PDE10A: variants seen among roughly 807,000 people sequenced by gnomAD.
The protein encoded by PDE10A is phosphodiesterase 10A.
Under a neutral mutation model 97.7 loss-of-function variants are expected in PDE10A, and 39 were observed. The ratio of observed to expected loss-of-function variants is 0.40; its 90% CI spans 0.31 to 0.52. The LOEUF (loss-of-function observed/expected upper bound fraction) is 0.52. PDE10A is among the 20% of genes least tolerant of loss of function. The pLI is 0.56. For missense variants in PDE10A, 731 were observed against 1,047.8 expected, an observed-to-expected ratio of 0.70 and a Z score of 4.17; for synonymous variants, 371 against 376.8, an observed-to-expected ratio of 0.98 and a Z score of 0.18.
chr6:165,422,937 TA>T (rs1198249687), intron 10 of PDE10A, among the ~76,000 whole-genome samples: 1 of 151,754 alleles, frequency 6.6e-6, no homozygotes, highest in African/African-American at 2.4e-5. Flanking sequence ...GTAAGAAGAG[TA>T]AAAAAAATTA....
chr6:165,841,258 C>G (rs1242563342), intron 1 of PDE10A, among the ~76,000 whole-genome samples: 1 of 152,202 alleles, frequency 6.6e-6, no homozygotes, highest in African/African-American at 2.4e-5. Context: ...ACAGGGCAGG[C>G]CCTCCCAAAA....
intron 1 of PDE10A, among the ~76,000 whole-genome samples, chr6:165,547,295 G>C (rs1367866277): frequency 6.6e-6 from 1 of 152,124 alleles, no homozygotes; most frequent in Non-Finnish European, 1.5e-5. Context: ...GAGTACTCAT[G>C]AGCAGGGGCA....
At chr6:165,620,676 T>C (rs1283284506) in intron 1 of PDE10A, among the ~76,000 whole-genome samples, 1 of 152,150 alleles carries the variant, frequency 6.6e-6, no homozygotes, top group Non-Finnish European at 1.5e-5. Context: ...CCCAGAACTC[T>C]TCTGGACTCT....
intron 1 of PDE10A, among the ~76,000 whole-genome samples, chr6:165,875,731 GTTTTT>G (rs748111095): frequency 2.1e-5 from 1 of 46,948 alleles, no homozygotes; most frequent in African/African-American, 7.8e-5. Flanking sequence ...TTCTTTTACT[GTTTTT>G]TTTTTTTTTT....
intron 1 of PDE10A, among the ~76,000 whole-genome samples, chr6:165,820,340 G>A (rs550674177): frequency 6.6e-6 from 1 of 152,316 alleles, no homozygotes; most frequent in African/African-American, 2.4e-5. Context: ...GGAATCTTTT[G>A]TAAGTTTCTC....
intron 2 of PDE10A, among the ~76,000 whole-genome samples, chr6:165,487,595 A>T (rs1779993336): frequency 6.6e-6 from 1 of 152,222 alleles, no homozygotes; most frequent in African/African-American, 2.4e-5. Context: ...GCTGGTTTAG[A>T]GCATGGACTA....
intron 1 of PDE10A, among the ~76,000 whole-genome samples, chr6:165,806,042 TAA>T (rs67104260): frequency 0.23 from 16,424 of 72,496 alleles, 1,424 homozygotes; most frequent in East Asian, 0.37. Context: ...GCTTGATTAT[TAA>T]AAAAAAAAAA....
intron 1 of PDE10A, among the ~76,000 whole-genome samples, chr6:165,933,041 A>T (rs990437705): frequency 6.6e-6 from 1 of 152,116 alleles, no homozygotes; most frequent in Non-Finnish European, 1.5e-5. Flanking sequence ...GCTACCAGAG[A>T]TGACAAACCC....
rs1476124114 is a variant in PDE10A at position 165,332,695 on chromosome 6, CT to C, written c.*329del. On this transcript the variant is annotated 3_prime_UTR_variant, in exon 22 of 22. Coordinates refer to ENST00000539869, the MANE Select transcript of PDE10A (RefSeq NM_001385079.1). ...AGAAAGATACAATGGAAAAGTACCC[CT>C]TCTGGATAATTTTTGTCCATTTCCT... 3.6e-6 allele frequency: 1 copy of C among 279,738 alleles called. No individual in the cohort carries two copies. Among genetic ancestry groups the C allele is most frequent in the Non-Finnish European group, 6.7e-6 (1 of 149,292 alleles). 17.3% of individuals were successfully genotyped at this position (279,738 alleles called of 1,614,324 possible).
chr6:165,532,973 C>T (rs1782873716), intron 2 of PDE10A, among the ~76,000 whole-genome samples: 1 of 152,120 alleles, frequency 6.6e-6, no homozygotes, highest in South Asian at 2.1e-4. Flanking sequence ...TCTGGTGACA[C>T]AAATTACTCA....
chr6:165,882,970 T>A (rs1781526797), intron 1 of PDE10A, among the ~76,000 whole-genome samples: 1 of 152,202 alleles, frequency 6.6e-6, no homozygotes, highest in Non-Finnish European at 1.5e-5. Context: ...GTATGGTGGC[T>A]CATGCCTGTA....
intron 16 of PDE10A, 114 bp downstream of exon 16, chr6:165,392,532 C>A: frequency 3.0e-6 from 3 of 996,458 alleles, no homozygotes; most frequent in Non-Finnish European, 3.0e-6. Context: ...ATTTATTAAG[C>A]CAAAATTTGT....
At chr6:165,948,205 C>G (rs1783841437) in intron 1 of PDE10A, 2 of 151,626 alleles carry the variant, frequency 1.3e-5, no homozygotes, top group Admixed American at 6.6e-5. Flanking sequence ...AAAGTAAGAC[C>G]AAAATAAGAC....
At chr6:165,893,243 C>T (rs950793683) in intron 1 of PDE10A, among the ~76,000 whole-genome samples, 5 of 152,184 alleles carry the variant, frequency 3.3e-5, no homozygotes, top group African/African-American at 1.2e-4. Flanking sequence ...ATTTTAATGA[C>T]TGTATAGTCA....
chr6:165,513,582 G>A lies in PDE10A; in HGVS notation c.994+29858C>T, dbSNP rs895251917. 3.9e-5 allele frequency among the ~76,000 whole-genome samples: 6 copies of A among 152,000 alleles called. No homozygotes were observed. In the South Asian group the frequency reaches 6.2e-4, roughly 16 times the overall value. On this transcript the variant is annotated intron_variant, in intron 2 of 21. Transcript: ENST00000539869. ...AATCAATTTCTATAAAAAGACCTGC[G>A]GGGATTTTCATAAGGACTTCTTTGA...
At chr6:165,569,405 T>C (rs1392516182) in intron 1 of PDE10A, among the ~76,000 whole-genome samples, 9 of 152,216 alleles carry the variant, frequency 5.9e-5, no homozygotes, top group African/African-American at 2.2e-4. Flanking sequence ...ACGAGTGTTG[T>C]AAGACTGTGT....
rs1480035521 is a variant in PDE10A, at chr6:165,330,054, C to T, written c.*2971G>A. ...TGTTATTGGCAGGCATTTATGTTTC[C>T]AAGGACATTTTTAGCTAAAAAACAT... On this transcript the variant is annotated 3_prime_UTR_variant, in exon 22 of 22. Coordinates refer to ENST00000539869, the MANE Select transcript of PDE10A (RefSeq NM_001385079.1). 2 of 152,134 alleles carry T rather than the reference C, an allele frequency of 1.3e-5. No individual in the cohort carries two copies. The highest frequency in any genetic ancestry group is 2.9e-5 in the Non-Finnish European group (2 of 67,996). 9.4% of individuals were successfully genotyped at this position (152,134 alleles called of 1,614,324 possible). A position where few individuals can be genotyped will look rare whatever the true frequency, so the allele number is the denominator to read the frequency against.
chr6:165,521,889 T>C (rs1226244899), intron 2 of PDE10A, among the ~76,000 whole-genome samples: 1 of 152,210 alleles, frequency 6.6e-6, no homozygotes, highest in Non-Finnish European at 1.5e-5. Context: ...TCTGGCACTA[T>C]AAATTTGACT....
At chr6:165,864,161 A>G (rs1277892337) in intron 1 of PDE10A, among the ~76,000 whole-genome samples, 1 of 127,016 alleles carries the variant, frequency 7.9e-6, no homozygotes, top group Non-Finnish European at 1.6e-5. Context: ...AACAGCAGCC[A>G]GCCAGATCCT....
Sources: gnomAD v4.1 joint callset for allele counts (sites outside exome capture counted in the v4.1 genomes callset) on GRCh38, gnomAD v4.1.1 for gene constraint, MANE v1.5 for transcripts, NCBI Gene and HGNC (gene_info 2026-07-23, HGNC 2026-07-21) for gene names.